WDR70: variants seen among roughly 807,000 people sequenced by gnomAD.
WDR70 encodes the protein WD repeat-containing protein 70.
In WDR70, 53 loss-of-function variants were observed where a neutral mutation model predicts 88.6. The ratio of observed to expected loss-of-function variants is 0.60; its 90% confidence interval spans 0.48 to 0.75. WDR70 has a LOEUF of 0.75. Ranked by LOEUF, WDR70 falls within the 30% of genes least tolerant of loss-of-function variation. WDR70 has a pLI of 0.00. For missense variants in WDR70, 610 were observed against 823.2 expected (o/e 0.74, Z 3.17); for synonymous variants, 280 against 270.0 (o/e 1.04, Z -0.36).
chr5:37,548,236 A>G (rs926060288), intron 9 of WDR70, among the ~76,000 whole-genome samples: 14 of 152,172 alleles, frequency 9.2e-5, no homozygotes, highest in East Asian at 5.8e-4. Flanking sequence ...TGTTCTCCAT[A>G]GTGGTTTTAT....
At chr5:37,421,238 C>G (rs965365479) in intron 5 of WDR70, among the ~76,000 whole-genome samples, 3 of 152,206 alleles carry the variant, frequency 2.0e-5, no homozygotes, top group Admixed American at 1.3e-4. Context: ...TGGTTGTGAC[C>G]TGTTCTGCTT....
intron 10 of WDR70, among the ~76,000 whole-genome samples, chr5:37,652,124 AAAG>A (rs1482966538): frequency 6.6e-6 from 1 of 152,214 alleles, no homozygotes; most frequent in Non-Finnish European, 1.5e-5. Context: ...TATAAGGTGT[AAAG>A]AAGGAGTCCA....
intron 10 of WDR70, among the ~76,000 whole-genome samples, chr5:37,620,322 G>A (rs1041518548): frequency 1.3e-5 from 2 of 152,032 alleles, no homozygotes; most frequent in African/African-American, 2.4e-5. Context: ...TGACCTGGGT[G>A]GTAAACACTG....
intron 10 of WDR70, among the ~76,000 whole-genome samples, chr5:37,674,659 T>G (rs1393701070): frequency 6.6e-6 from 1 of 152,142 alleles, no homozygotes; most frequent in African/African-American, 2.4e-5. Context: ...TGGTTCCAAG[T>G]CTTTGCTATT....
chr5:37,415,311 G>T (rs550124665), intron 5 of WDR70, among the ~76,000 whole-genome samples: 287 of 150,922 alleles, frequency 1.9e-3, no homozygotes, highest in African/African-American at 6.7e-3. Flanking sequence ...CCTCCCAGAC[G>T]GGGTGGTGGC....
At chr5:37,673,602 T>A (rs1746100684) in intron 10 of WDR70, among the ~76,000 whole-genome samples, 1 of 80,062 alleles carries the variant, frequency 1.2e-5, no homozygotes, top group Admixed American at 1.8e-4. Flanking sequence ...CCACCCTTTT[T>A]TTTTCTTTCC....
chr5:37,723,073 A>G (rs1747870174), intron 15 of WDR70, 139 bp downstream of exon 15: 3 of 917,062 alleles, frequency 3.3e-6, no homozygotes, highest in Non-Finnish European at 3.4e-6. Flanking sequence ...GGATAGGACT[A>G]CGAGTCATGT....
chr5:37,639,649 A>T (rs1228801816), intron 10 of WDR70, among the ~76,000 whole-genome samples: 1 of 152,088 alleles, frequency 6.6e-6, no homozygotes, highest in Non-Finnish European at 1.5e-5. Context: ...TTGGATAATA[A>T]GCTCCTTGAG....
At chr5:37,506,339 TCTTG>T in intron 8 of WDR70, 1 of 892,290 alleles carries the variant, frequency 1.1e-6, no homozygotes. Context: ...TACCAAAAAA[TCTTG>T]CTTCTTCTAA....
At chr5:37,542,922 G>T (rs1741872165) in intron 9 of WDR70, among the ~76,000 whole-genome samples, 1 of 152,180 alleles carries the variant, frequency 6.6e-6, no homozygotes, top group Non-Finnish European at 1.5e-5. Flanking sequence ...GGCCATCTCT[G>T]TTTATTCACC....
intron 9 of WDR70, among the ~76,000 whole-genome samples, chr5:37,557,642 A>C (rs1256058809): frequency 1.3e-5 from 2 of 151,982 alleles, no homozygotes; most frequent in African/African-American, 4.8e-5. Context: ...CTATAGACTT[A>C]GTGGTAAGAG....
intron 5 of WDR70, among the ~76,000 whole-genome samples, chr5:37,401,558 C>G (rs1749195056): frequency 1.3e-5 from 2 of 152,026 alleles, no homozygotes; most frequent in South Asian, 4.1e-4. Context: ...CTCAGGTAAT[C>G]CACCTACCTT....
At chr5:37,738,512 C>T (rs1393554950) in intron 17 of WDR70, among the ~76,000 whole-genome samples, 1 of 152,144 alleles carries the variant, frequency 6.6e-6, no homozygotes, top group Non-Finnish European at 1.5e-5. Flanking sequence ...TAGAGAAGGG[C>T]CGTGTAGAAG....
chr5:37,478,979 TGAG>T (rs1339201134), intron 7 of WDR70, among the ~76,000 whole-genome samples: 1 of 151,960 alleles, frequency 6.6e-6, no homozygotes, highest in African/African-American at 2.4e-5. Context: ...AAGGAGGAGA[TGAG>T]GAGGCTTGAA....
intron 13 of WDR70, among the ~76,000 whole-genome samples, chr5:37,707,907 C>G (rs1747375696): frequency 1.2e-5 from 1 of 84,086 alleles, no homozygotes; most frequent in African/African-American, 4.2e-5. Context: ...GGGTGAGACT[C>G]TGTCTCAAAA....
chr5:37,552,698 T>A (rs1464986355), intron 9 of WDR70, among the ~76,000 whole-genome samples: 1 of 152,208 alleles, frequency 6.6e-6, no homozygotes, highest in African/African-American at 2.4e-5. Flanking sequence ...AAATTTTTCT[T>A]CAGTTAAACT....
intron 3 of WDR70, among the ~76,000 whole-genome samples, chr5:37,384,987 A>G (rs1247464479): frequency 1.3e-5 from 2 of 152,116 alleles, no homozygotes; most frequent in Admixed American, 1.3e-4. Flanking sequence ...GGTTCCCATG[A>G]CCGCTCTTTT....
At chr5:37,716,286 T>C (rs1747653628) in intron 13 of WDR70, among the ~76,000 whole-genome samples, 1 of 152,208 alleles carries the variant, frequency 6.6e-6, no homozygotes, top group Non-Finnish European at 1.5e-5. Flanking sequence ...TGTTTAGATA[T>C]GTGCATTGCA....
At chr5:37,676,963 G>C (rs1485127914) in intron 10 of WDR70, among the ~76,000 whole-genome samples, 1 of 152,176 alleles carries the variant, frequency 6.6e-6, no homozygotes, top group South Asian at 2.1e-4. Context: ...TTAGTCTTGG[G>C]AGGGTGTATG....
Sources: allele counts gnomAD v4.1 joint callset (sites outside exome capture counted in the v4.1 genomes callset), GRCh38; gene constraint gnomAD v4.1.1; transcripts MANE v1.5; gene names NCBI Gene and HGNC (gene_info 2026-07-23, HGNC 2026-07-21).